The following SNTG1 variants were observed in gnomAD, a reference collection of about 807,000 sequenced individuals.
SNTG1 encodes the protein syntrophin gamma 1.
In SNTG1, 39 loss-of-function variants were observed where a neutral mutation model predicts 74.7. The observed-to-expected ratio is 0.52, with a 90% confidence interval of 0.40 to 0.68. The LOEUF (loss-of-function observed/expected upper bound fraction) is 0.68, where lower values mean the gene tolerates loss of function less well. Among genes scored for constraint, SNTG1 ranks in the 30% least tolerant of loss-of-function variants. The pLI, the probability that SNTG1 is intolerant of heterozygous loss-of-function variation, is 0.00. For missense variants in SNTG1, 685 were observed against 609.5 expected (o/e 1.12, Z -1.30); for synonymous variants, 254 against 217.1 (o/e 1.17, Z -1.49).
intron 18 of SNTG1, among the ~76,000 whole-genome samples, chr8:50,784,461 T>A (rs553964707): frequency 6.6e-6 from 1 of 152,262 alleles, no homozygotes; most frequent in East Asian, 1.9e-4. Flanking sequence ...CATTTTATAA[T>A]GAAAAATGAA....
rs187071257 is a variant in SNTG1, at chr8:50,482,775, C to A, written c.364-20003C>A. On this transcript the variant is annotated intron_variant, in intron 8 of 18. Coordinates refer to ENST00000642720, the MANE Select transcript of SNTG1 (RefSeq NM_018967.5). The stretch of plus-strand genomic sequence containing the variant: ...GCTAATACTTTGGCTCCAAACTATG[C>A]CTAATATATGGCCATTGATATGTGT... Among the ~76,000 whole-genome samples the A allele has an allele frequency of 2.6e-3, 394 of 152,198 alleles. 1 individual carries two copies. The highest frequency in any genetic ancestry group is 8.8e-3 in the African/African-American group (367 of 41,530).
chr8:49,990,498 A>T (rs1022325154), intron 1 of SNTG1, among the ~76,000 whole-genome samples: 1 of 152,098 alleles, frequency 6.6e-6, no homozygotes, highest in Admixed American at 6.6e-5. Flanking sequence ...ACAATGTTAG[A>T]GGCCTCACAA....
In SNTG1 at chr8:50,174,655, A is replaced by G. The variant is rs919227333; in HGVS notation, c.-28+2020A>G. On this transcript the variant is annotated intron_variant, in intron 2 of 18. Transcript: ENST00000642720. ...TTTTCATAGTTAAATATGTACTTCAAATAAAATCTCATAGGGGAGTCCAAC... is the reference window on the plus strand; with the variant it reads ...TTTTCATAGTTAAATATGTACTTCAGATAAAATCTCATAGGGGAGTCCAAC... 9.8e-5 allele frequency among the ~76,000 whole-genome samples: 15 copies of G among 152,290 alleles called. 1 individual carries two copies. Among genetic ancestry groups the G allele is most frequent in the South Asian group, 8.3e-4 (4 of 4,828 alleles).
chr8:50,334,308 G>C (rs2091067331), intron 2 of SNTG1, among the ~76,000 whole-genome samples: 1 of 152,172 alleles, frequency 6.6e-6, no homozygotes, highest in African/African-American at 2.4e-5. Context: ...CTGGACTCTT[G>C]AGTTACAGAA....
At chr8:49,950,436 A>G in intron 1 of SNTG1, among the ~76,000 whole-genome samples, 1 of 152,156 alleles carries the variant, frequency 6.6e-6, no homozygotes. Flanking sequence ...ACTAATATTT[A>G]TGCTATTTTT....
intron 1 of SNTG1, among the ~76,000 whole-genome samples, chr8:50,093,945 G>A (rs1333438073): frequency 2.0e-5 from 3 of 152,082 alleles, no homozygotes; most frequent in Admixed American, 6.6e-5. Flanking sequence ...AAGATAATGA[G>A]GACATTACTT....
At chr8:50,649,150 A>G (rs2095128623) in intron 13 of SNTG1, among the ~76,000 whole-genome samples, 1 of 152,154 alleles carries the variant, frequency 6.6e-6, no homozygotes, top group Non-Finnish European at 1.5e-5. Flanking sequence ...TATTTTCCAC[A>G]TCGGCACATA....
intron 1 of SNTG1, among the ~76,000 whole-genome samples, chr8:50,006,512 T>C (rs929918677): frequency 6.6e-6 from 1 of 152,204 alleles, no homozygotes; most frequent in Non-Finnish European, 1.5e-5. Flanking sequence ...TTTGGCTTAT[T>C]ATGTTTCAAG....
chr8:50,575,422 A>G (rs1222010374), intron 12 of SNTG1, among the ~76,000 whole-genome samples: 2 of 152,206 alleles, frequency 1.3e-5, no homozygotes, highest in Non-Finnish European at 2.9e-5. Flanking sequence ...TGACAGAGCT[A>G]TCATTTTCCT....
At chr8:50,150,941 G>T (rs7826842) in intron 1 of SNTG1, among the ~76,000 whole-genome samples, 16,531 of 152,160 alleles carry the variant, frequency 0.11, 2,972 homozygotes, top group African/African-American at 0.37. Flanking sequence ...AGTTAGGGAG[G>T]ATTCCCTCTT....
intron 1 of SNTG1, among the ~76,000 whole-genome samples, chr8:50,049,204 C>T (rs776792676): frequency 2.0e-5 from 3 of 151,868 alleles, no homozygotes; most frequent in Non-Finnish European, 2.9e-5. Flanking sequence ...GTTCTAAATA[C>T]GTCATTTAAA....
chr8:50,227,519 A>G (rs1482917584), intron 2 of SNTG1, among the ~76,000 whole-genome samples: 1 of 152,142 alleles, frequency 6.6e-6, no homozygotes, highest in Non-Finnish European at 1.5e-5. Flanking sequence ...ACCTAAGAGA[A>G]TATCTCTGGA....
rs535923365 is a variant in SNTG1, at chr8:50,636,433, A to G, written c.850-20476A>G. ...CCAGAGCACTTTGGCACACGGTAGTAAAGCTTGCCAAAACTCAATTTTGTC... is the reference window on the plus strand; with the variant it reads ...CCAGAGCACTTTGGCACACGGTAGTGAAGCTTGCCAAAACTCAATTTTGTC... On this transcript the variant is annotated intron_variant, in intron 13 of 18. Transcript: ENST00000642720. Among the ~76,000 whole-genome samples the G allele has an allele frequency of 7.2e-5, 11 of 152,206 alleles. No homozygotes were observed. The East Asian group carries it at 2.0e-3, about 27-fold the overall frequency.
At chr8:50,693,564 G>GA (rs980077559) in intron 15 of SNTG1, among the ~76,000 whole-genome samples, 7 of 152,144 alleles carry the variant, frequency 4.6e-5, no homozygotes, top group African/African-American at 1.7e-4. Context: ...CACCCAGACA[G>GA]AAAATTAATA....
intron 2 of SNTG1, among the ~76,000 whole-genome samples, chr8:50,267,309 A>C (rs374772102): frequency 1.6e-4 from 25 of 152,166 alleles, no homozygotes; most frequent in East Asian, 9.6e-4. Flanking sequence ...TCTGCATCTC[A>C]GTAATAAGAT....
intron 8 of SNTG1, among the ~76,000 whole-genome samples, chr8:50,453,316 A>G (rs545382925): frequency 2.6e-5 from 4 of 152,156 alleles, no homozygotes; most frequent in Non-Finnish European, 5.9e-5. Context: ...TCATGGAAGC[A>G]TTTACATCTA....
intron 2 of SNTG1, among the ~76,000 whole-genome samples, chr8:50,356,315 C>T (rs989149026): frequency 1.3e-5 from 2 of 152,078 alleles, no homozygotes; most frequent in Non-Finnish European, 2.9e-5. Flanking sequence ...CTTCAGGATT[C>T]CTAATAGAGA....
At chr8:50,022,365 G>A (rs1367008868) in intron 1 of SNTG1, among the ~76,000 whole-genome samples, 1 of 152,158 alleles carries the variant, frequency 6.6e-6, no homozygotes, top group Non-Finnish European at 1.5e-5. Flanking sequence ...ATCCAGCAAG[G>A]CTTGAGAAGG....
chr8:50,477,890 C>A lies in SNTG1; in HGVS notation c.364-24888C>A, dbSNP rs2093709370. The stretch of plus-strand genomic sequence containing the variant: ...TTTTATTTATTTTTCTCTCTCTCCT[C>A]TCTGGAATGTCAGCTCTTCGAGAGT... On this transcript the variant is annotated intron_variant, in intron 8 of 18. Coordinates refer to ENST00000642720, the MANE Select transcript of SNTG1 (RefSeq NM_018967.5). Among the ~76,000 whole-genome samples, 4 of 152,234 alleles carry A rather than the reference C, an allele frequency of 2.6e-5. No homozygotes were observed. In the South Asian group the frequency reaches 8.3e-4, roughly 32 times the overall value.
Sources: gnomAD v4.1 joint callset for allele counts (sites outside exome capture counted in the v4.1 genomes callset) on GRCh38, gnomAD v4.1.1 for gene constraint, MANE v1.5 for transcripts, NCBI Gene and HGNC (gene_info 2026-07-23, HGNC 2026-07-21) for gene names.